Variants in TRDN observed in about 807,000 individuals in gnomAD.
TRDN encodes triadin in skeletal muscle.
TRDN carries 161 observed loss-of-function variants against 149.7 expected under a neutral mutation model. The ratio of observed to expected loss-of-function variants is 1.08; its 90% CI spans 0.95 to 1.23. The LOEUF is 1.23. Among genes scored for constraint, TRDN ranks in the 50% most tolerant of loss-of-function variants. TRDN has a pLI of 0.00. For synonymous variants in TRDN, 294 were observed against 250.5 expected, an observed-to-expected ratio of 1.17 and a Z score of -1.64; for missense variants, 896 against 823.5, an observed-to-expected ratio of 1.09 and a Z score of -1.08.
chr6:123,467,558 C>T (rs924393718), intron 9 of TRDN, among the ~76,000 whole-genome samples: 1 of 151,984 alleles, frequency 6.6e-6, no homozygotes, highest in African/African-American at 2.4e-5. Context: ...AAAGGAGAAG[C>T]CAGCTGGCTG....
chr6:123,425,183 C>A (rs1774064456), intron 12 of TRDN, among the ~76,000 whole-genome samples: 1 of 150,690 alleles, frequency 6.6e-6, no homozygotes, highest in East Asian at 2.0e-4. Context: ...GTGTAGTAAT[C>A]TTCTAATAAG....
chr6:123,615,991 G>A (rs1785062248), intron 1 of TRDN, among the ~76,000 whole-genome samples: 1 of 152,120 alleles, frequency 6.6e-6, no homozygotes, highest in African/African-American at 2.4e-5. Context: ...GTATGTAAGT[G>A]TGGAAATATC....
chr6:123,313,677 C>A (rs1405039044), intron 24 of TRDN, among the ~76,000 whole-genome samples: 2 of 151,768 alleles, frequency 1.3e-5, no homozygotes, highest in East Asian at 1.9e-4. Context: ...AGACATAGAC[C>A]GATAGAACAG....
intron 21 of TRDN, among the ~76,000 whole-genome samples, chr6:123,347,912 C>T (rs967751780): frequency 6.6e-6 from 1 of 152,038 alleles, no homozygotes; most frequent in African/African-American, 2.4e-5. Flanking sequence ...ATTGTTCAAG[C>T]AGGTTAACAT....
chr6:123,301,770 C>CATATATATATATATACATAT (rs1562252279), intron 24 of TRDN, among the ~76,000 whole-genome samples: 2 of 57,832 alleles, frequency 3.5e-5, no homozygotes, highest in Admixed American at 2.9e-4. Flanking sequence ...TATATATATA[C>CATATATATATATATACATAT]ATATATATAT....
chr6:123,455,480 C>A (rs1331546165), intron 10 of TRDN, among the ~76,000 whole-genome samples: 1 of 150,632 alleles, frequency 6.6e-6, no homozygotes, highest in African/African-American at 2.4e-5. Flanking sequence ...AAAAGAGGAG[C>A]GAGACGGGAG....
intron 24 of TRDN, among the ~76,000 whole-genome samples, chr6:123,307,452 A>G (rs1403259143): frequency 2.0e-5 from 3 of 152,090 alleles, no homozygotes; most frequent in South Asian, 2.1e-4. Context: ...TTGATTCTAC[A>G]TACAAGAATA....
chr6:123,412,973 T>C lies in TRDN; in HGVS notation c.1052-19296A>G, dbSNP rs146098995. Reference sequence around the variant, plus strand: ...ATATCTAAAATGTTCAATAATTCTCTGTGTTCAAACATAGAACTAAACATG... The same window carrying C: ...ATATCTAAAATGTTCAATAATTCTCCGTGTTCAAACATAGAACTAAACATG... On this transcript the variant is annotated intron_variant, in intron 12 of 40. Coordinates refer to ENST00000334268, the MANE Select transcript of TRDN (RefSeq NM_006073.4). 7.2e-3 allele frequency among the ~76,000 whole-genome samples: 1,101 copies of C among 152,216 alleles called. 14 individuals carry two copies. The highest frequency in any genetic ancestry group is 0.025 in the African/African-American group (1,037 of 41,528).
At chr6:123,387,449 T>G (rs12660429) in intron 14 of TRDN, among the ~76,000 whole-genome samples, 26,066 of 152,098 alleles carry the variant, frequency 0.17, 2,369 homozygotes, top group South Asian at 0.24. Context: ...TTGTGACTAT[T>G]ATTAATGTCT....
At chr6:123,251,531 T>C (rs7751968) in intron 38 of TRDN, among the ~76,000 whole-genome samples, 131,995 of 151,770 alleles carry the variant, frequency 0.87, 57,724 homozygotes, top group East Asian at 0.99. Context: ...CCACTTGTTT[T>C]GTTTTGTCTT....
chr6:123,433,386 C>T (rs1774422979), intron 12 of TRDN, among the ~76,000 whole-genome samples: 1 of 151,780 alleles, frequency 6.6e-6, no homozygotes, highest in Admixed American at 6.6e-5. Flanking sequence ...GACATTTTGT[C>T]TTTATTCACT....
intron 10 of TRDN, among the ~76,000 whole-genome samples, chr6:123,463,659 A>C (rs1776613888): frequency 1.3e-5 from 2 of 152,134 alleles, no homozygotes; most frequent in Non-Finnish European, 2.9e-5. Context: ...TGTCTTGTCC[A>C]ATGAACATTT....
chr6:123,457,988 C>A (rs376927684), intron 10 of TRDN, among the ~76,000 whole-genome samples: 2 of 152,150 alleles, frequency 1.3e-5, no homozygotes, highest in African/African-American at 4.8e-5. Flanking sequence ...GAAACCCAGT[C>A]TTTCAGAGAT....
intron 30 of TRDN, 90 bp downstream of exon 30, chr6:123,271,039 CTGTGTGTGTG>C (rs35914221): frequency 7.1e-6 from 3 of 420,414 alleles, no homozygotes; most frequent in South Asian, 6.3e-5. Flanking sequence ...CAGTGAAGGG[CTGTGTGTGTG>C]TGTGTGTGTG....
At chr6:123,575,865 C>A (rs1056636397) in intron 1 of TRDN, among the ~76,000 whole-genome samples, 3 of 152,084 alleles carry the variant, frequency 2.0e-5, no homozygotes, top group Admixed American at 6.6e-5. Context: ...TATTATTATT[C>A]TTTATTTTTC....
At chr6:123,236,339 T>C (rs1205106503) in intron 38 of TRDN, among the ~76,000 whole-genome samples, 1 of 152,214 alleles carries the variant, frequency 6.6e-6, no homozygotes, top group Non-Finnish European at 1.5e-5. Flanking sequence ...AAATCTTTTG[T>C]TTACTTTTTA....
At chr6:123,234,959 TA>T (rs1278158920) in intron 38 of TRDN, among the ~76,000 whole-genome samples, 1 of 152,114 alleles carries the variant, frequency 6.6e-6, no homozygotes, top group Non-Finnish European at 1.5e-5. Context: ...GGGACAATGA[TA>T]AAATTGTCCT....
At chr6:123,265,688 G>C (rs934290118) in intron 32 of TRDN, among the ~76,000 whole-genome samples, 1 of 100,234 alleles carries the variant, frequency 1.0e-5, no homozygotes, top group African/African-American at 4.2e-5. Flanking sequence ...AGTCCTTTTG[G>C]AATACATATT....
rs1489632671 is a variant in TRDN, at chr6:123,559,579, A to G, written c.233-10967T>C. Among the ~76,000 whole-genome samples, 4 of 152,140 alleles carry G rather than the reference A, an allele frequency of 2.6e-5. No homozygotes were observed. In the East Asian group the frequency reaches 7.8e-4, roughly 30 times the overall value. ...CCGATCATGCACCCCTTACCATCTC[A>G]TTAAAACCTAATCACCCTTACCCCA... is the stretch of plus-strand genomic sequence containing the variant. On this transcript the variant is annotated intron_variant, in intron 2 of 40. Coordinates refer to ENST00000334268, the MANE Select transcript of TRDN (RefSeq NM_006073.4).
Sources: gnomAD v4.1 joint callset for allele counts (sites outside exome capture counted in the v4.1 genomes callset) on GRCh38, gnomAD v4.1.1 for gene constraint, MANE v1.5 for transcripts, NCBI Gene and HGNC (gene_info 2026-07-23, HGNC 2026-07-21) for gene names.